The following BICD1 variants were observed in gnomAD, a reference collection of about 807,000 sequenced individuals.
BICD1 encodes the protein protein bicaudal D homolog 1.
Under a neutral mutation model 92.5 loss-of-function variants are expected in BICD1, and 35 were observed. The ratio of observed to expected loss-of-function variants is 0.38; its 90% CI spans 0.29 to 0.50. BICD1 has a LOEUF of 0.50. Ranked by LOEUF, BICD1 falls within the 20% of genes least tolerant of loss-of-function variation. The probability of loss-of-function intolerance (pLI) is 0.93; values close to 1 mark genes in which losing one functional copy is unlikely to be tolerated. For missense variants in BICD1, 950 were observed against 1,189.8 expected, an observed-to-expected ratio of 0.80 and a Z score of 2.97; for synonymous variants, 429 against 465.1, an observed-to-expected ratio of 0.92 and a Z score of 1.00.
At chr12:32,352,477 G>A (rs1274951237) in intron 8 of BICD1, 1 of 125,250 alleles carries the variant, frequency 8.0e-6, no homozygotes, top group Non-Finnish European at 1.8e-5. Flanking sequence ...AGAGTAAGAT[G>A]CCGTCTCAAA....
chr12:32,334,807 C>T (rs1938033454), intron 6 of BICD1, 140 bp downstream of exon 6: 1 of 908,524 alleles, frequency 1.1e-6, no homozygotes, highest in African/African-American at 1.7e-5. Flanking sequence ...TGTGGAAGTC[C>T]ACTCTGACGT....
chr12:32,321,948 G>T (rs1252126771), intron 4 of BICD1, among the ~76,000 whole-genome samples: 2 of 151,388 alleles, frequency 1.3e-5, no homozygotes, highest in Admixed American at 1.3e-4. Context: ...GCAGTGAGCC[G>T]AGATCACACC....
intron 1 of BICD1, among the ~76,000 whole-genome samples, chr12:32,201,174 T>C (rs1944897095): frequency 6.6e-6 from 1 of 152,228 alleles, no homozygotes; most frequent in South Asian, 2.1e-4. Context: ...TATGGTTCTT[T>C]CTTCTGAAAC....
intron 4 of BICD1, among the ~76,000 whole-genome samples, chr12:32,306,536 C>A (rs9738821): frequency 0.1 from 15,623 of 152,090 alleles, 969 homozygotes; most frequent in Middle Eastern, 0.16. Flanking sequence ...AGCCACCGCG[C>A]CCAGCCCCAG....
intron 1 of BICD1, among the ~76,000 whole-genome samples, chr12:32,213,203 A>C (rs1945265758): frequency 6.6e-6 from 1 of 152,184 alleles, no homozygotes; most frequent in Admixed American, 6.5e-5. Context: ...TGTTAGTCTC[A>C]TCTAGTCCGG....
intron 2 of BICD1, among the ~76,000 whole-genome samples, chr12:32,251,304 C>G (rs1946514918): frequency 6.6e-6 from 1 of 152,292 alleles, no homozygotes; most frequent in South Asian, 2.1e-4. Flanking sequence ...ACCTCAACCT[C>G]CAGTCCCATG....
intron 1 of BICD1, among the ~76,000 whole-genome samples, chr12:32,121,501 G>T (rs544055152): frequency 6.6e-5 from 10 of 151,866 alleles, no homozygotes; most frequent in African/African-American, 2.4e-4. Flanking sequence ...GCTGAGGCAG[G>T]AGAAACTCTT....
intron 4 of BICD1, among the ~76,000 whole-genome samples, chr12:32,322,027 T>A (rs1456051098): frequency 1.3e-5 from 2 of 152,058 alleles, no homozygotes; most frequent in Non-Finnish European, 2.9e-5. Flanking sequence ...AATAAATAAA[T>A]AAAACAGTTT....
intron 8 of BICD1, among the ~76,000 whole-genome samples, chr12:32,343,737 G>A (rs1938468201): frequency 1.3e-5 from 2 of 152,100 alleles, no homozygotes; most frequent in African/African-American, 4.8e-5. Flanking sequence ...TTATTTTGAA[G>A]TCTGAAAATG....
chr12:32,362,315 A>G (rs899048200), intron 8 of BICD1, among the ~76,000 whole-genome samples: 2 of 152,208 alleles, frequency 1.3e-5, no homozygotes, highest in African/African-American at 2.4e-5. Context: ...AGCTGAGATC[A>G]TGCCATTGCA....
intron 1 of BICD1, among the ~76,000 whole-genome samples, chr12:32,141,383 G>A (rs780171943): frequency 2.6e-5 from 4 of 152,056 alleles, no homozygotes; most frequent in Non-Finnish European, 4.4e-5. Flanking sequence ...ATTAAGCTAA[G>A]ATTGTATGAA....
chr12:32,360,623 A>T (rs1939288636), intron 8 of BICD1, among the ~76,000 whole-genome samples: 1 of 152,206 alleles, frequency 6.6e-6, no homozygotes, highest in Non-Finnish European at 1.5e-5. Context: ...GCAAGCAATT[A>T]ACCAGGCATT....
rs377126604 is a variant in BICD1 at position 32,191,331 on chromosome 12, AAAAG to A, written c.214-24914_214-24911del. On this transcript the variant is annotated intron_variant, in intron 1 of 9. Coordinates refer to ENST00000652176, the MANE Select transcript of BICD1 (RefSeq NM_001714.4). ...TCCTTTATCTAGCTTTACCAAGAAA[AAAAG>A]AGAGAACTCAAATAAATGAAATTAT... Among the ~76,000 whole-genome samples, 59 of 152,146 alleles carry A rather than the reference AAAAG, an allele frequency of 3.9e-4. 1 individual carries two copies. In the East Asian group the frequency reaches 8.7e-3, roughly 22 times the overall value.
chr12:32,364,890 G>A lies in BICD1; in HGVS notation c.2765-2780G>A, dbSNP rs78097131. 1.5e-4 allele frequency among the ~76,000 whole-genome samples: 23 copies of A among 152,266 alleles called. No homozygotes were observed. The East Asian group carries it at 4.1e-3, about 27-fold the overall frequency. On this transcript the variant is annotated intron_variant, in intron 8 of 9. Coordinates refer to ENST00000652176, the MANE Select transcript of BICD1 (RefSeq NM_001714.4). ...CACTTGAGCCCAGGCGTTGGATGCT[G>A]AAGTGAGCTATGATAGCCACCTAGG... is the stretch of plus-strand genomic sequence containing the variant.
At position 32,152,346 on chromosome 12, in the gene BICD1, T is replaced by G. The variant is rs367950306; in HGVS notation, c.213+44802T>G. Among the ~76,000 whole-genome samples, 36 of 151,758 alleles carry G rather than the reference T, an allele frequency of 2.4e-4. 2 individuals carry two copies. The highest frequency in any genetic ancestry group is 2.0e-3 in the Admixed American group (30 of 15,222). On this transcript the variant is annotated intron_variant, in intron 1 of 9. Transcript: ENST00000652176. ...TCACTTTAACCTTGAACTCCTGGGC[T>G]CAAGTGATCCTCCCGTCTTAGCCTC...
At position 32,378,561 on chromosome 12, in the gene BICD1, T is replaced by A. The variant is rs1035225998; in HGVS notation, c.*934T>A. 5.9e-5 allele frequency: 9 copies of A among 152,052 alleles called. No individual in the cohort carries two copies. The highest frequency in any genetic ancestry group is 1.9e-4 in the African/African-American group (8 of 41,392). The allele number at this position is 152,052 out of a possible 1,614,324, so 9.4% of individuals were successfully genotyped here. A position where few individuals can be genotyped will look rare whatever the true frequency, so the allele number is the denominator to read the frequency against. On this transcript the variant is annotated 3_prime_UTR_variant, in exon 10 of 10. Transcript: ENST00000652176. ...TGGTGTGTTTATTTAATGACCAGAATTTTTTTTACTTCTCCCAAAATCAGG... is the reference window on the plus strand; with the variant it reads ...TGGTGTGTTTATTTAATGACCAGAAATTTTTTTACTTCTCCCAAAATCAGG...
In BICD1 at chr12:32,289,808, TCTC is replaced by T. The variant is rs1188762852; in HGVS notation, c.427-4183_427-4181del. On this transcript the variant is annotated intron_variant, in intron 2 of 9. Coordinates refer to ENST00000652176, the MANE Select transcript of BICD1 (RefSeq NM_001714.4). ...ATTCAGGCATATTTGCTTAAAATAA[TCTC>T]CTGTAGAGAGGCAAGAAACAGAAGC... Among the ~76,000 whole-genome samples, 9 of 152,272 alleles carry T rather than the reference TCTC, an allele frequency of 5.9e-5. No homozygotes were observed. In the South Asian group the frequency reaches 6.2e-4, roughly 11 times the overall value.
At chr12:32,369,927 A>G (rs1939666980) in intron 9 of BICD1, among the ~76,000 whole-genome samples, 1 of 152,180 alleles carries the variant, frequency 6.6e-6, no homozygotes, top group Admixed American at 6.5e-5. Context: ...AAATAAATAA[A>G]AAGAAAAATA....
intron 1 of BICD1, among the ~76,000 whole-genome samples, chr12:32,182,909 T>TAA (rs1350670072): frequency 7.5e-4 from 97 of 130,168 alleles, no homozygotes; most frequent in African/African-American, 2.4e-3. Context: ...TTTTTTTTTT[T>TAA]AAAGAGATAG....
Sources: gnomAD v4.1 joint callset for allele counts (sites outside exome capture counted in the v4.1 genomes callset) on GRCh38, gnomAD v4.1.1 for gene constraint, MANE v1.5 for transcripts, NCBI Gene and HGNC (gene_info 2026-07-23, HGNC 2026-07-21) for gene names.